Variants in COL20A1 observed in about 807,000 individuals in gnomAD.
The protein encoded by COL20A1 is collagen alpha-1(XX) chain.
COL20A1 carries 164 observed loss-of-function variants against 152.9 expected under a neutral mutation model. That is an observed-to-expected ratio of 1.07 (90% CI 0.94 to 1.22). The LOEUF is 1.22. COL20A1 is among the 50% of genes most tolerant of loss of function. COL20A1 has a pLI of 0.00. For synonymous variants in COL20A1, 864 were observed against 756.0 expected (o/e 1.14, Z -2.34); for missense variants, 1,873 against 1,744.8 (o/e 1.07, Z -1.31).
intron 3 of COL20A1, among the ~76,000 whole-genome samples, chr20:63,303,590 G>A (rs977187471): frequency 2.6e-5 from 4 of 152,188 alleles, no homozygotes; most frequent in African/African-American, 4.8e-5. Flanking sequence ...TTAGGATACT[G>A]CCAGGCACAC....
rs554525163 is a variant in COL20A1 at position 63,297,381 on chromosome 20, G to A, written c.83-529G>A. ...CCCAGCTCAGGGGACTCAGCTCAGG[G>A]GACCCAGCCCAGGGGACTCAGCCCA... On this transcript the variant is annotated intron_variant, in intron 2 of 35. Transcript: ENST00000358894. 7.9e-5 allele frequency among the ~76,000 whole-genome samples: 12 copies of A among 151,756 alleles called. No homozygotes were observed. The East Asian group carries it at 2.3e-3, about 30-fold the overall frequency.
rs765514031 is a variant in COL20A1 at position 63,312,002 on chromosome 20, G to C, written c.1750G>C (p.Val584Leu). ...RVFWEGAPRP[V>L]RLVRVTYVSS... Reference sequence around the variant, plus strand: ...GTTCTGGGAGGGTGCCCCGAGGCCTGTGCGCCTGGTCAGGGTCACCTATGT... The same window carrying C: ...GTTCTGGGAGGGTGCCCCGAGGCCTCTGCGCCTGGTCAGGGTCACCTATGT... The change falls in exon 14 of 36, where the codon GTG becomes CTG. Residue 584 changes from valine to leucine, a missense_variant. Physicochemically the swap from Val to Leu is conservative, Grantham distance 32. Coordinates refer to ENST00000358894, the MANE Select transcript of COL20A1 (RefSeq NM_020882.4). 1.2e-4 allele frequency: 195 copies of C among 1,606,672 alleles called. No homozygotes were observed. The highest frequency in any genetic ancestry group is 4.8e-5 in the Non-Finnish European group (57 of 1,177,500).
Position 63,306,131 on chromosome 20 carries a change from C to G in COL20A1, c.496+92C>G, listed in dbSNP as rs895259199. 9 of 1,168,734 alleles carry G rather than the reference C, an allele frequency of 7.7e-6. No individual in the cohort carries two copies. The highest frequency in any genetic ancestry group is 5.0e-5 in the Admixed American group (2 of 39,716). 72.4% of individuals were successfully genotyped at this position (1,168,734 alleles called of 1,614,324 possible). ...ACCATGAGGCCAGGAAGTTCTTCCT[C>G]GTGTCTGACCACACGGTCTCTGACC... On this transcript the variant is annotated intron_variant, in intron 5 of 35. Transcript: ENST00000358894. This position sits in a 1 kb window ranked among gnomAD's most constrained non-coding sequence, Gnocchi z 6.9.
chr20:63,326,686 C>T (rs1210517331), intron 30 of COL20A1, 66 bp from the exon 31 acceptor site: 5 of 1,166,522 alleles, frequency 4.3e-6, no homozygotes, highest in Non-Finnish European at 5.7e-6. Flanking sequence ...ATCTGGGAAC[C>T]AGGGCTGAAG....
Position 63,334,019 on chromosome 20 carries a change from C to T in COL20A1, c.*3303C>T, listed in dbSNP as rs1301259252. On this transcript the variant is annotated 3_prime_UTR_variant, in exon 36 of 36. Transcript: ENST00000358894. ...TTGGACTTGAGCCCCAGCACAGAGACGATGTCATAATACAGCCCCCCATCG... is the reference window on the plus strand; with the variant it reads ...TTGGACTTGAGCCCCAGCACAGAGATGATGTCATAATACAGCCCCCCATCG... 3 of 152,206 alleles carry T rather than the reference C, an allele frequency of 2.0e-5. No homozygotes were observed. The highest frequency in any genetic ancestry group is 4.4e-5 in the Non-Finnish European group (3 of 68,062). 9.4% of individuals were successfully genotyped at this position (152,206 alleles called of 1,614,324 possible). A position where few individuals can be genotyped will look rare whatever the true frequency, so the allele number is the denominator to read the frequency against.
In COL20A1 at chr20:63,310,474, G is replaced by T; in HGVS notation, c.1357G>T (p.Gly453Trp). 6.2e-7 allele frequency: 1 copy of T among 1,607,120 alleles called. No homozygotes were observed. The stretch of plus-strand genomic sequence containing the variant: ...CTCCGTGTTCCCCATCTATGAGGGC[G>T]GGGTTGGCGAAGGCCTGCGGGGCCT... ...LVSVFPIYEG[G>W]VGEGLRGLVT... is the part of the protein sequence containing the mutation. Residue 453 changes from glycine (G) to tryptophan (W), a missense_variant, in exon 11 of 36, where the codon GGG becomes TGG. Coordinates refer to ENST00000358894, the MANE Select transcript of COL20A1 (RefSeq NM_020882.4).
intron 2 of COL20A1, among the ~76,000 whole-genome samples, chr20:63,296,521 T>C (rs1253941551): frequency 6.6e-6 from 1 of 152,134 alleles, no homozygotes; most frequent in East Asian, 1.9e-4. Context: ...CCAGGCTGGG[T>C]GCGGCCACAG....
chr20:63,308,728 C>T lies in COL20A1; in HGVS notation c.940+22C>T, dbSNP rs61752592. On this transcript the variant is annotated intron_variant, in intron 8 of 35. Coordinates refer to ENST00000358894, the MANE Select transcript of COL20A1 (RefSeq NM_020882.4). Reference sequence around the variant, plus strand: ...GTGGGTGAGCACCATGCGGCTCCCCCGGCCCTGGAGTCTCACCGCCGGGTG... The same window carrying T: ...GTGGGTGAGCACCATGCGGCTCCCCTGGCCCTGGAGTCTCACCGCCGGGTG... 4.3e-3 allele frequency: 6,719 copies of T among 1,561,968 alleles called. 250 individuals carry two copies. In the African/African-American group the frequency reaches 0.08, roughly 19 times the overall value.
At position 63,319,469 on chromosome 20, in the gene COL20A1, C is replaced by G; in HGVS notation, c.2807-18C>G. 1 of 1,545,688 alleles carries G rather than the reference C, an allele frequency of 6.5e-7. No homozygotes were observed. ...TGGTTGCAGCCCGTTCTCACCTGCT[C>G]CACCCCTTCCCTGGCAGCCGGGAAG... On this transcript the variant is annotated intron_variant, in intron 22 of 35. Coordinates refer to ENST00000358894, the MANE Select transcript of COL20A1 (RefSeq NM_020882.4). The surrounding 1 kb of genome is among the most constrained non-coding windows in gnomAD (Gnocchi z 4.4).
At chr20:63,312,966 G>GC (rs2068032042) in intron 16 of COL20A1, 32 bp downstream of exon 16, 10 of 1,528,982 alleles carry the variant, frequency 6.5e-6, no homozygotes, top group East Asian at 2.5e-5. Flanking sequence ...CTTCCGAGGG[G>GC]CCCCCCGTGG....
chr20:63,302,716 C>G (rs777965088), intron 3 of COL20A1, among the ~76,000 whole-genome samples: 1 of 152,226 alleles, frequency 6.6e-6, no homozygotes, highest in Admixed American at 6.5e-5. Flanking sequence ...AATTTTTAAT[C>G]TAAAGCAGTT....
intron 19 of COL20A1, among the ~76,000 whole-genome samples, chr20:63,314,402 G>A (rs1172094418): frequency 6.6e-6 from 1 of 152,166 alleles, no homozygotes; most frequent in Non-Finnish European, 1.5e-5. Context: ...GGATTCTCCA[G>A]GGACAAGGAC....
intron 2 of COL20A1, 63 bp downstream of exon 2, chr20:63,295,252 C>T: frequency 3.7e-5 from 42 of 1,135,690 alleles, no homozygotes; most frequent in Non-Finnish European, 5.1e-5. Flanking sequence ...CCAGTGCCCA[C>T]GCGGGACGAG....
At chr20:63,318,918 C>T (rs1206247420) in intron 21 of COL20A1, 140 bp from the exon 22 acceptor site, 6 of 664,388 alleles carry the variant, frequency 9.0e-6, no homozygotes, top group Non-Finnish European at 1.3e-5. Context: ...GAAGGGTGTG[C>T]GGGTGCAGGG....
At position 63,328,453 on chromosome 20, in the gene COL20A1, G is replaced by A; in HGVS notation, c.3736G>A (p.Val1246Ile). 6.2e-7 allele frequency: 1 copy of A among 1,612,604 alleles called. No homozygotes were observed. Among genetic ancestry groups the A allele is most frequent in the South Asian group, 1.1e-5 (1 of 90,986 alleles). The change falls in exon 34 of 36, where the codon GTT (valine) becomes ATT (isoleucine). Residue 1246 changes from valine to isoleucine, a missense_variant. Transcript: ENST00000358894. The part of the protein sequence containing the change: ...GSPGTRSKAL[V>I]PGEWGRGGRH... Reference sequence around the variant, plus strand: ...CCCTGGCACCCGCAGCAAGGCCCTGGTTCCTGGAGAATGGGGGCGTGGTGG... The same window carrying A: ...CCCTGGCACCCGCAGCAAGGCCCTGATTCCTGGAGAATGGGGGCGTGGTGG...
intron 11 of COL20A1, among the ~76,000 whole-genome samples, chr20:63,310,734 C>T (rs1601417850): frequency 6.6e-6 from 1 of 152,250 alleles, no homozygotes; most frequent in South Asian, 2.1e-4. Flanking sequence ...GTGTCATCAC[C>T]TCAACTGTAA....
At chr20:63,325,408 C>G (rs375732223) in intron 27 of COL20A1, 33 bp from the exon 28 acceptor site, 653 of 1,555,352 alleles carry the variant, frequency 4.2e-4, no homozygotes, top group Non-Finnish European at 5.3e-4. Flanking sequence ...GTGCCCCCTC[C>G]GCTTCGCTGT....
In COL20A1 at chr20:63,313,781, GCCTCGGAGAC is replaced by G; in HGVS notation, c.2251_2260del (p.Ser751ProfsTer43). The G allele has an allele frequency of 1.9e-6, 3 of 1,609,092 alleles. No individual in the cohort carries two copies. Among genetic ancestry groups the G allele is most frequent in the Non-Finnish European group, 2.5e-6 (3 of 1,178,286 alleles). On this transcript the variant is annotated frameshift_variant, in exon 18 of 36. Coordinates refer to ENST00000358894, the MANE Select transcript of COL20A1 (RefSeq NM_020882.4). LOFTEE classifies it high-confidence loss of function. The surrounding 1 kb of genome is among the most constrained non-coding windows in gnomAD (Gnocchi z 5.9). ...GAGCCCACCCTCCAACCTGGCCCTG[GCCTCGGAGAC>G]CCCCGACAGCCTGCAGGTCAGCTGG...
chr20:63,294,069 C>T (rs927503356), intron 1 of COL20A1, among the ~76,000 whole-genome samples: 3 of 47,514 alleles, frequency 6.3e-5, no homozygotes, highest in African/African-American at 1.7e-4. Flanking sequence ...TCTGAAGGCC[C>T]GAGTTGGTGC....
Sources: allele counts gnomAD v4.1 joint callset (sites outside exome capture counted in the v4.1 genomes callset), GRCh38; gene constraint gnomAD v4.1.1; non-coding constraint Gnocchi (gnomAD v3.1); transcripts MANE v1.5; gene names NCBI Gene and HGNC (gene_info 2026-07-23, HGNC 2026-07-21).